Variants in KIF1B observed in about 807,000 individuals in gnomAD.
KIF1B encodes kinesin-like protein KIF1B.
In KIF1B, 76 loss-of-function variants were observed where a neutral mutation model predicts 241.9. The observed-to-expected ratio is 0.31, with a 90% CI of 0.26 to 0.38. The LOEUF (loss-of-function observed/expected upper bound fraction) is 0.38. KIF1B is among the 10% of genes least tolerant of loss of function. The pLI, the probability that KIF1B is intolerant of heterozygous loss-of-function variation, is 1.00. For synonymous variants in KIF1B, 750 were observed against 796.7 expected (o/e 0.94, Z 0.99); for missense variants, 1,622 against 2,271.4 (o/e 0.71, Z 5.81).
At chr1:10,276,001 G>T (rs1431009066) in intron 11 of KIF1B, among the ~76,000 whole-genome samples, 2 of 151,364 alleles carry the variant, frequency 1.3e-5, no homozygotes, top group African/African-American at 2.4e-5. Context: ...CGCCTCCTGG[G>T]TTCAAGCAGT....
intron 31 of KIF1B, among the ~76,000 whole-genome samples, chr1:10,338,566 G>A (rs992695862): frequency 2.6e-5 from 4 of 152,250 alleles, no homozygotes; most frequent in East Asian, 1.9e-4. Flanking sequence ...CAACTGATAC[G>A]TTTTATGGAA....
At chr1:10,264,787 G>A (rs761072058) in intron 5 of KIF1B, among the ~76,000 whole-genome samples, 11 of 151,772 alleles carry the variant, frequency 7.2e-5, no homozygotes, top group Middle Eastern at 3.4e-3. Context: ...TCAGCCTCCC[G>A]AGAGGCTGGG....
intron 26 of KIF1B, 133 bp downstream of exon 26, chr1:10,325,028 A>G: frequency 1.1e-6 from 1 of 906,860 alleles, no homozygotes; most frequent in Non-Finnish European, 1.8e-6. Flanking sequence ...AATCTTATCC[A>G]CTCACAACCA....
At chr1:10,229,543 G>A (rs1187821812) in intron 1 of KIF1B, among the ~76,000 whole-genome samples, 1 of 152,056 alleles carries the variant, frequency 6.6e-6, no homozygotes, top group Non-Finnish European at 1.5e-5. Context: ...TTCAAATAGC[G>A]ATGATGCTAT....
chr1:10,308,745 T>G (rs1650944328), intron 22 of KIF1B: 1 of 621,050 alleles, frequency 1.6e-6, no homozygotes, highest in Non-Finnish European at 2.0e-6. Context: ...TGAACTTGAT[T>G]AGTTTTAAAG....
chr1:10,273,731 A>AAC (rs1557680847), intron 10 of KIF1B, among the ~76,000 whole-genome samples: 1 of 88,790 alleles, frequency 1.1e-5, no homozygotes, highest in East Asian at 3.7e-4. Flanking sequence ...AAAAAAAAAA[A>AAC]AAAAAAAACC....
At chr1:10,312,728 T>G (rs1350002382) in intron 22 of KIF1B, among the ~76,000 whole-genome samples, 1 of 151,640 alleles carries the variant, frequency 6.6e-6, no homozygotes, top group Non-Finnish European at 1.5e-5. Context: ...CTACTCAGTC[T>G]AGAAGTCTGT....
chr1:10,350,293 C>T (rs1315034905), intron 37 of KIF1B, among the ~76,000 whole-genome samples: 3 of 151,508 alleles, frequency 2.0e-5, no homozygotes, highest in African/African-American at 7.3e-5. Flanking sequence ...GGCGTGGTGG[C>T]TCATGCCTGT....
At chr1:10,335,058 A>C (rs1361599716) in intron 28 of KIF1B, among the ~76,000 whole-genome samples, 1 of 151,054 alleles carries the variant, frequency 6.6e-6, no homozygotes, top group African/African-American at 2.4e-5. Flanking sequence ...CACCTCAGCC[A>C]CCTGAATAGC....
chr1:10,378,898 C>G lies in KIF1B; in HGVS notation c.*2311C>G, dbSNP rs1234648025. On this transcript the variant is annotated 3_prime_UTR_variant, in exon 49 of 49. Coordinates refer to ENST00000676179, the MANE Select transcript of KIF1B (RefSeq NM_001365951.3). ...GATTTTTTTTTTAACTTTCTTCTTC[C>G]TGTTAAAACATAGGTCACTAACTGT... 4.2e-6 allele frequency: 1 copy of G among 236,978 alleles called. No homozygotes were observed. Among genetic ancestry groups the G allele is most frequent in the Non-Finnish European group, 8.3e-6 (1 of 120,242 alleles). 14.7% of individuals were successfully genotyped at this position (236,978 alleles called of 1,614,324 possible). A position where few individuals can be genotyped will look rare whatever the true frequency, so the allele number is the denominator to read the frequency against.
chr1:10,268,516 A>G (rs146883089), intron 7 of KIF1B, among the ~76,000 whole-genome samples: 2 of 152,286 alleles, frequency 1.3e-5, no homozygotes, highest in East Asian at 3.9e-4. Context: ...GGTCTCAAAA[A>G]CTACTCAATA....
intron 31 of KIF1B, 35 bp from the exon 32 acceptor site, chr1:10,339,734 C>T (rs1185624217): frequency 1.3e-6 from 2 of 1,557,220 alleles, no homozygotes; most frequent in South Asian, 1.1e-5. Context: ...CCGTTTAATG[C>T]ATTGTTCACG....
At chr1:10,225,791 G>T (rs1282219502) in intron 1 of KIF1B, among the ~76,000 whole-genome samples, 1 of 152,112 alleles carries the variant, frequency 6.6e-6, no homozygotes, top group African/African-American at 2.4e-5. Flanking sequence ...TGTAAAAATA[G>T]GTGGTTTATG....
intron 38 of KIF1B, chr1:10,355,235 A>G (rs1652933874): frequency 6.6e-6 from 1 of 152,166 alleles, no homozygotes; most frequent in Non-Finnish European, 1.5e-5. Context: ...TTCTGTGTTA[A>G]TTGTCTGTCC....
At chr1:10,286,041 A>C (rs1021213476) in intron 15 of KIF1B, among the ~76,000 whole-genome samples, 10 of 151,640 alleles carry the variant, frequency 6.6e-5, no homozygotes, top group Admixed American at 2.0e-4. Flanking sequence ...ACCATTGTAA[A>C]GATGTTTTTT....
intron 5 of KIF1B, among the ~76,000 whole-genome samples, chr1:10,263,351 A>AG: frequency 6.6e-6 from 1 of 151,140 alleles, no homozygotes; most frequent in East Asian, 1.9e-4. Context: ...TCTCACCGCC[A>AG]CCCCCCCACC....
intron 1 of KIF1B, among the ~76,000 whole-genome samples, chr1:10,228,075 C>G (rs1646933458): frequency 6.6e-6 from 1 of 151,726 alleles, no homozygotes; most frequent in African/African-American, 2.4e-5. Flanking sequence ...ATCCCAGCTA[C>G]TCGGGAGGCT....
chr1:10,376,741 C>T lies in KIF1B; in HGVS notation c.*154C>T, dbSNP rs958385500. The T allele has an allele frequency of 2.6e-6, 2 of 757,948 alleles. No homozygotes were observed. Among genetic ancestry groups the T allele is most frequent in the African/African-American group, 1.7e-5 (1 of 58,240 alleles). The allele number at this position is 757,948 out of a possible 1,614,324, so 47.0% of individuals were successfully genotyped here. A position where few individuals can be genotyped will look rare whatever the true frequency, so the allele number is the denominator to read the frequency against. On this transcript the variant is annotated 3_prime_UTR_variant, in exon 49 of 49. Transcript: ENST00000676179. Reference sequence around the variant, plus strand: ...CCAGCACTTTTCTAGCTCTCCCGTTCCCCATCTCCATTGCTCTGTACTCTT... The same window carrying T: ...CCAGCACTTTTCTAGCTCTCCCGTTTCCCATCTCCATTGCTCTGTACTCTT...
At chr1:10,345,268 C>T (rs1333351639) in intron 34 of KIF1B, among the ~76,000 whole-genome samples, 1 of 152,198 alleles carries the variant, frequency 6.6e-6, no homozygotes, top group Non-Finnish European at 1.5e-5. Context: ...CCAACTTTGT[C>T]CTCACATTGG....
Sources: gnomAD v4.1 joint callset for allele counts (sites outside exome capture counted in the v4.1 genomes callset) on GRCh38, gnomAD v4.1.1 for gene constraint, MANE v1.5 for transcripts, NCBI Gene and HGNC (gene_info 2026-07-23, HGNC 2026-07-21) for gene names.